The following ABI3BP variants were observed in gnomAD, a reference collection of about 807,000 sequenced individuals.
The protein encoded by ABI3BP is ABI family member 3 binding protein, also known as target of Nesh-SH3.
Under a neutral mutation model 268.6 loss-of-function variants are expected in ABI3BP, and 216 were observed. The observed-to-expected ratio is 0.80, with a 90% CI of 0.72 to 0.90. The LOEUF (loss-of-function observed/expected upper bound fraction) is 0.90, where lower values mean the gene tolerates loss of function less well. Among genes scored for constraint, ABI3BP ranks in the 40% least tolerant of loss-of-function variants. ABI3BP has a pLI of 0.00. For synonymous variants in ABI3BP, 730 were observed against 730.0 expected (o/e 1.00, Z 0.00); for missense variants, 2,090 against 2,182.4 (o/e 0.96, Z 0.84).
chr3:100,813,096 G>C (rs1290101704), intron 45 of ABI3BP, among the ~76,000 whole-genome samples: 1 of 152,136 alleles, frequency 6.6e-6, no homozygotes, highest in Non-Finnish European at 1.5e-5. Context: ...GCCAAGGCTG[G>C]TCATAAAATT....
In ABI3BP at chr3:100,811,740, G is replaced by T. The variant is rs1313262632; in HGVS notation, c.3481C>A (p.Pro1161Thr). ...TAKAPLWPEEPKTEVVESITY... is the reference protein window; with the variant it reads ...TAKAPLWPEETKTEVVESITY... ...AAACCTTTGCTACCTTCAGTCTTTG[G>T]CTCCTCTGGCCAGAGTGGTGCTTTG... The change falls in exon 47 of 68, where the codon CCA becomes ACA. Residue 1161 changes from proline (P) to threonine (T), a missense_variant. By Grantham distance (38) the Pro-to-Thr change is conservative. Coordinates refer to ENST00000471714, the MANE Select transcript of ABI3BP (RefSeq NM_001375547.2). 6.5e-7 allele frequency: 1 copy of T among 1,535,216 alleles called. No individual in the cohort carries two copies. Among genetic ancestry groups the T allele is most frequent in the African/African-American group, 1.4e-5 (1 of 72,958 alleles).
intron 1 of ABI3BP, among the ~76,000 whole-genome samples, chr3:100,960,671 C>T (rs1037615707): frequency 5.3e-5 from 8 of 152,246 alleles, no homozygotes; most frequent in South Asian, 2.1e-4. Flanking sequence ...AGATTCAAAG[C>T]GTGCAAAAGA....
chr3:100,920,501 G>A (rs963864004), intron 2 of ABI3BP, among the ~76,000 whole-genome samples: 1 of 151,962 alleles, frequency 6.6e-6, no homozygotes, highest in African/African-American at 2.4e-5. Context: ...TTGGCTCACT[G>A]CAACCTCCCC....
chr3:100,960,647 A>G lies in ABI3BP; in HGVS notation c.79+32659T>C, dbSNP rs187932175. ...GCTGCAAGCAGGAGATATGAAGCAG[A>G]AAGGACGTCAGAGAGATTCAAAGCG... On this transcript the variant is annotated intron_variant, in intron 1 of 67. Coordinates refer to ENST00000471714, the MANE Select transcript of ABI3BP (RefSeq NM_001375547.2). 2.7e-3 allele frequency among the ~76,000 whole-genome samples: 419 copies of G among 152,364 alleles called. 2 individuals carry two copies. Among genetic ancestry groups the G allele is most frequent in the African/African-American group, 9.8e-3 (406 of 41,578 alleles).
At chr3:100,958,068 T>C (rs2077427940) in intron 1 of ABI3BP, among the ~76,000 whole-genome samples, 3 of 152,172 alleles carry the variant, frequency 2.0e-5, no homozygotes, top group Admixed American at 2.0e-4. Flanking sequence ...AAATAGAAAG[T>C]GGACACTATC....
rs1169159331 is a variant in ABI3BP at position 100,843,721 on chromosome 3, T to C, written c.1724-1682A>G. On this transcript the variant is annotated intron_variant, in intron 20 of 67. Coordinates refer to ENST00000471714, the MANE Select transcript of ABI3BP (RefSeq NM_001375547.2). Reference sequence around the variant, plus strand: ...CAGATGCTATAGGACAAGAAGAAAATAAACATCAATACATGAAATACAATA... The same window carrying C: ...CAGATGCTATAGGACAAGAAGAAAACAAACATCAATACATGAAATACAATA... 4.1e-6 allele frequency: 4 copies of C among 983,624 alleles called. No homozygotes were observed. The East Asian group carries it at 4.6e-4, about 112-fold the overall frequency. 60.9% of individuals were successfully genotyped at this position (983,624 alleles called of 1,614,324 possible).
chr3:100,816,347 T>C, intron 43 of ABI3BP: 2 of 445,382 alleles, frequency 4.5e-6, no homozygotes, highest in Non-Finnish European at 8.0e-6. Context: ...AATAAATGCC[T>C]GTTTATGTAA....
chr3:100,879,869 C>G (rs375794522), intron 6 of ABI3BP, among the ~76,000 whole-genome samples: 2 of 152,174 alleles, frequency 1.3e-5, no homozygotes, highest in East Asian at 3.9e-4. Flanking sequence ...TCAGGAAAGT[C>G]CTGTGGCTCA....
chr3:100,975,755 G>A (rs1192508278), intron 1 of ABI3BP, among the ~76,000 whole-genome samples: 1 of 152,088 alleles, frequency 6.6e-6, no homozygotes, highest in Non-Finnish European at 1.5e-5. Flanking sequence ...GAAAGCAAGA[G>A]ACCACAGGGG....
At chr3:100,909,742 C>A (rs1316293339) in intron 2 of ABI3BP, among the ~76,000 whole-genome samples, 2 of 152,000 alleles carry the variant, frequency 1.3e-5, no homozygotes, top group African/African-American at 2.4e-5. Context: ...CCAGGTAGAA[C>A]GCCAATCATT....
chr3:100,862,682 C>A, intron 13 of ABI3BP, 156 bp downstream of exon 13: 1 of 619,272 alleles, frequency 1.6e-6, no homozygotes, highest in Non-Finnish European at 2.7e-6. Context: ...TGCAGAAAAT[C>A]CAAATAGATT....
chr3:100,825,600 G>T (rs565942027), intron 35 of ABI3BP, among the ~76,000 whole-genome samples, 185 bp downstream of exon 35: 10 of 152,282 alleles, frequency 6.6e-5, no homozygotes, highest in Non-Finnish European at 1.3e-4. Context: ...AAAAACAGCA[G>T]GAAACTTGTT....
rs1412346082 is a variant in ABI3BP at position 100,885,525 on chromosome 3, C to T, written c.696+11G>A. On this transcript the variant is annotated intron_variant, in intron 6 of 67. Transcript: ENST00000471714. The stretch of plus-strand genomic sequence containing the variant: ...TTTTAAAAACATTCTTGAAAATAAA[C>T]TGTTACATACCACTGTGTGGTCTTG... 2 of 1,476,398 alleles carry T rather than the reference C, an allele frequency of 1.4e-6. No homozygotes were observed. Among genetic ancestry groups the T allele is most frequent in the African/African-American group, 1.4e-5 (1 of 71,148 alleles). The allele number at this position is 1,476,398 out of a possible 1,614,324, so 91.5% of individuals were successfully genotyped here.
chr3:100,911,974 AG>A (rs2056677607), intron 2 of ABI3BP: 1 of 845,146 alleles, frequency 1.2e-6, no homozygotes, highest in Non-Finnish European at 2.0e-6. Flanking sequence ...GAATTATAAA[AG>A]CTAAAAAAAG....
intron 1 of ABI3BP, among the ~76,000 whole-genome samples, chr3:100,972,897 G>T (rs891549299): frequency 1.3e-5 from 2 of 152,196 alleles, no homozygotes; most frequent in African/African-American, 2.4e-5. Context: ...TTGTGGACAT[G>T]TGAGGAATGG....
chr3:100,774,449 T>C (rs1454837883), intron 61 of ABI3BP, among the ~76,000 whole-genome samples, 156 bp downstream of exon 61: 1 of 152,212 alleles, frequency 6.6e-6, no homozygotes, highest in Non-Finnish European at 1.5e-5. Flanking sequence ...CTAGATCAGC[T>C]GACACCCAGT....
intron 22 of ABI3BP, 123 bp downstream of exon 22, chr3:100,840,697 G>T: frequency 3.8e-6 from 3 of 781,012 alleles, no homozygotes; most frequent in Non-Finnish European, 3.8e-6. Flanking sequence ...CTGAAGAACA[G>T]AGCACTCACA....
intron 19 of ABI3BP, 85 bp downstream of exon 19, chr3:100,847,517 T>G (rs1037722961): frequency 8.7e-7 from 1 of 1,147,100 alleles, no homozygotes; most frequent in Admixed American, 1.7e-5. Context: ...TCTTAACAGG[T>G]AACAGACATT....
intron 1 of ABI3BP, among the ~76,000 whole-genome samples, chr3:100,955,341 A>G (rs2076451326): frequency 6.6e-6 from 1 of 152,206 alleles, no homozygotes; most frequent in Admixed American, 6.5e-5. Flanking sequence ...TTAACAAGTG[A>G]AGATGAATAC....
Sources: allele counts gnomAD v4.1 joint callset (sites outside exome capture counted in the v4.1 genomes callset), GRCh38; gene constraint gnomAD v4.1.1; transcripts MANE v1.5; gene names NCBI Gene and HGNC (gene_info 2026-07-23, HGNC 2026-07-21).